Variants in TMTC4 observed in about 807,000 individuals in gnomAD.
TMTC4 encodes the protein protein O-mannosyl-transferase TMTC4.
In TMTC4, 65 loss-of-function variants were observed where a neutral mutation model predicts 86.0. The ratio of observed to expected loss-of-function variants is 0.76; its 90% confidence interval spans 0.62 to 0.93. The LOEUF is 0.93. Ranked by LOEUF, TMTC4 falls within the 40% of genes least tolerant of loss-of-function variation. TMTC4 has a pLI of 0.00. For missense variants in TMTC4, 866 were observed against 948.1 expected, an observed-to-expected ratio of 0.91 and a Z score of 1.14; for synonymous variants, 379 against 382.5, an observed-to-expected ratio of 0.99 and a Z score of 0.11.
chr13:100,667,235 C>T (rs1886494936), intron 3 of TMTC4, among the ~76,000 whole-genome samples: 1 of 152,152 alleles, frequency 6.6e-6, no homozygotes, highest in Non-Finnish European at 1.5e-5. Context: ...GAGTTCAAGA[C>T]CAGCCTGGCC....
intron 6 of TMTC4, among the ~76,000 whole-genome samples, chr13:100,655,413 T>G (rs1245050482): frequency 6.6e-6 from 1 of 152,218 alleles, no homozygotes. Flanking sequence ...AATTGCCAAC[T>G]TTTGAAAAGG....
chr13:100,638,157 C>G, intron 7 of TMTC4, 135 bp from the exon 8 acceptor site: 1 of 618,550 alleles, frequency 1.6e-6, no homozygotes, highest in Non-Finnish European at 2.8e-6. Flanking sequence ...CTCTGCAGCT[C>G]TTTAAAAAAA....
At chr13:100,641,067 G>A (rs887340515) in intron 7 of TMTC4, among the ~76,000 whole-genome samples, 18 of 151,978 alleles carry the variant, frequency 1.2e-4, no homozygotes, top group African/African-American at 4.3e-4. Context: ...TGACACTGCC[G>A]GTGGAAGCCG....
chr13:100,613,285 G>C (rs979269799), intron 16 of TMTC4, among the ~76,000 whole-genome samples: 2 of 151,978 alleles, frequency 1.3e-5, no homozygotes, highest in Non-Finnish European at 2.9e-5. Flanking sequence ...CTAGTTCCAC[G>C]AGGTCCATTT....
chr13:100,662,859 C>T (rs1885941675), intron 5 of TMTC4, 105 bp downstream of exon 5: 1 of 1,219,824 alleles, frequency 8.2e-7, no homozygotes, highest in Non-Finnish European at 1.2e-6. Flanking sequence ...AGCTCTGGAA[C>T]CAAGATGGGT....
At chr13:100,642,056 C>T (rs1470486122) in intron 7 of TMTC4, among the ~76,000 whole-genome samples, 155 bp downstream of exon 7, 2 of 152,180 alleles carry the variant, frequency 1.3e-5, no homozygotes, top group African/African-American at 4.8e-5. Flanking sequence ...ATTGTGACAG[C>T]GAAAGCCATT....
intron 3 of TMTC4, 132 bp from the exon 4 acceptor site, chr13:100,664,468 G>A: frequency 1.7e-6 from 1 of 596,852 alleles, no homozygotes; most frequent in Non-Finnish European, 2.9e-6. Context: ...TCTCTATGTT[G>A]ATATCTCGAA....
chr13:100,618,255 T>C (rs1173791769), intron 15 of TMTC4, among the ~76,000 whole-genome samples: 1 of 152,192 alleles, frequency 6.6e-6, no homozygotes, highest in African/African-American at 2.4e-5. Flanking sequence ...CAGGGTTTTC[T>C]AGGTGTCGAA....
intron 6 of TMTC4, among the ~76,000 whole-genome samples, chr13:100,645,966 G>A (rs1043927543): frequency 6.6e-6 from 1 of 152,080 alleles, no homozygotes. Flanking sequence ...AGATATTGCC[G>A]GATGTCAGTA....
chr13:100,622,459 G>A (rs1879664121), intron 15 of TMTC4, among the ~76,000 whole-genome samples: 1 of 152,162 alleles, frequency 6.6e-6, no homozygotes, highest in Non-Finnish European at 1.5e-5. Flanking sequence ...TTGTGGGAGG[G>A]ACCTGGTGAA....
Position 100,656,365 on chromosome 13 carries a change from C to T in TMTC4, c.640+16G>A. 5 of 1,601,158 alleles carry T rather than the reference C, an allele frequency of 3.1e-6. No individual in the cohort carries two copies. The highest frequency in any genetic ancestry group is 4.3e-6 in the Non-Finnish European group (5 of 1,174,206). On this transcript the variant is annotated intron_variant, in intron 6 of 18. Coordinates refer to ENST00000342624, the MANE Select transcript of TMTC4 (RefSeq NM_032813.5). ...TGAAGAAGGTGGAAAATTAAGAAGG[C>T]AAACAGAATGCTTACTTTCTCTAAA...
chr13:100,629,515 C>T (rs892565882), intron 12 of TMTC4, among the ~76,000 whole-genome samples: 5 of 152,142 alleles, frequency 3.3e-5, no homozygotes, highest in African/African-American at 1.2e-4. Flanking sequence ...GGATTAGAAC[C>T]AGGCTCTGAA....
At chr13:100,662,773 T>A (rs1450214233) in intron 5 of TMTC4, among the ~76,000 whole-genome samples, 191 bp downstream of exon 5, 1 of 152,202 alleles carries the variant, frequency 6.6e-6, no homozygotes. Context: ...CAGACAGAAT[T>A]GTTTCAAATG....
intron 14 of TMTC4, 30 bp downstream of exon 14, chr13:100,625,755 C>T: frequency 3.1e-6 from 5 of 1,610,080 alleles, no homozygotes; most frequent in Non-Finnish European, 4.2e-6. Flanking sequence ...CTTTCTTTGT[C>T]ACTAGCATAA....
chr13:100,631,961 C>T (rs1265863478), intron 12 of TMTC4, among the ~76,000 whole-genome samples: 1 of 150,948 alleles, frequency 6.6e-6, no homozygotes, highest in African/African-American at 2.4e-5. Flanking sequence ...ACTATTACCA[C>T]TGGGTCCATT....
intron 7 of TMTC4, among the ~76,000 whole-genome samples, chr13:100,641,769 G>A (rs1471189714): frequency 2.6e-5 from 4 of 152,328 alleles, no homozygotes; most frequent in African/African-American, 9.6e-5. Context: ...TTACAGGCGT[G>A]AGCCATGGCG....
At chr13:100,641,481 CTT>C (rs1243079998) in intron 7 of TMTC4, among the ~76,000 whole-genome samples, 9 of 151,610 alleles carry the variant, frequency 5.9e-5, no homozygotes, top group Middle Eastern at 3.4e-3. Flanking sequence ...TCTTTTCCTT[CTT>C]TCTTTTTTTT....
intron 3 of TMTC4, chr13:100,668,259 C>G (rs892566881): frequency 3.1e-5 from 6 of 190,732 alleles, no homozygotes; most frequent in Admixed American, 1.2e-4. Flanking sequence ...TTTGCAAAAT[C>G]TGGAATACTA....
intron 5 of TMTC4, among the ~76,000 whole-genome samples, chr13:100,657,422 T>C (rs542490768): frequency 2.0e-5 from 3 of 152,246 alleles, no homozygotes; most frequent in African/African-American, 7.2e-5. Context: ...TTTCCCACAT[T>C]TTCCACATGG....
Sources: gnomAD v4.1 joint callset for allele counts (sites outside exome capture counted in the v4.1 genomes callset) on GRCh38, gnomAD v4.1.1 for gene constraint, MANE v1.5 for transcripts, NCBI Gene and HGNC (gene_info 2026-07-23, HGNC 2026-07-21) for gene names.